RPS6KA2: variants seen among roughly 807,000 people sequenced by gnomAD.
RPS6KA2 encodes the protein ribosomal protein S6 kinase alpha-2.
Under a neutral mutation model 91.8 loss-of-function variants are expected in RPS6KA2, and 42 were observed. The observed-to-expected ratio is 0.46, with a 90% CI of 0.36 to 0.59. The LOEUF (loss-of-function observed/expected upper bound fraction) is 0.59. Among genes scored for constraint, RPS6KA2 ranks in the 20% least tolerant of loss-of-function variants. The pLI, the probability that RPS6KA2 is intolerant of heterozygous loss-of-function variation, is 0.00. For synonymous variants in RPS6KA2, 414 were observed against 393.6 expected (o/e 1.05, Z -0.61); for missense variants, 798 against 978.5 (o/e 0.82, Z 2.46).
chr6:166,517,450 GTTTTGTTTTTTTTTTTTTTT>G (rs1782687076), intron 3 of RPS6KA2, among the ~76,000 whole-genome samples: 4 of 83,800 alleles, frequency 4.8e-5, no homozygotes, highest in African/African-American at 2.7e-4. Context: ...GCGTTCTTTT[GTTTTGTTTTTTTTTTTTTTT>G]TTTTTTTTTT....
chr6:166,677,341 A>G (rs1400564711), intron 2 of RPS6KA2, among the ~76,000 whole-genome samples: 3 of 152,160 alleles, frequency 2.0e-5, no homozygotes, highest in Non-Finnish European at 2.9e-5. Flanking sequence ...GTAGTTAAAA[A>G]TAAGAAACGT....
At chr6:166,803,557 C>T (rs1035832055) in intron 2 of RPS6KA2, among the ~76,000 whole-genome samples, 10 of 152,172 alleles carry the variant, frequency 6.6e-5, no homozygotes, top group Non-Finnish European at 1.2e-4. Flanking sequence ...GGAGTCTAAA[C>T]GGCAGGCAGC....
At chr6:166,582,241 G>A (rs1047682214) in intron 1 of RPS6KA2, among the ~76,000 whole-genome samples, 3 of 152,146 alleles carry the variant, frequency 2.0e-5, no homozygotes, top group African/African-American at 7.2e-5. Context: ...GGCACAGAGA[G>A]GGTGAGCACA....
chr6:166,531,461 C>A, intron 2 of RPS6KA2, 148 bp from the exon 3 acceptor site: 1 of 646,760 alleles, frequency 1.5e-6, no homozygotes, highest in Non-Finnish European at 2.7e-6. Flanking sequence ...TCTCCAACGT[C>A]AAGGCTGCCG....
At position 166,459,355 on chromosome 6, in the gene RPS6KA2, T is replaced by C; in HGVS notation, c.1075+94A>G. The C allele has an allele frequency of 1.3e-6, 1 of 741,162 alleles. No homozygotes were observed. Among genetic ancestry groups the C allele is most frequent in the East Asian group, 2.7e-5 (1 of 37,028 alleles). 45.9% of individuals were successfully genotyped at this position (741,162 alleles called of 1,614,324 possible). On this transcript the variant is annotated intron_variant, in intron 12 of 20. Coordinates refer to ENST00000265678, the MANE Select transcript of RPS6KA2 (RefSeq NM_021135.6). The surrounding 1 kb of genome is among the most constrained non-coding windows in gnomAD (Gnocchi z 4.9). ...GGACAGTTATTTTCCATGAAAAGAATTCTGAGGCATGGGAATTTCTTGTTC... is the reference window on the plus strand; with the variant it reads ...GGACAGTTATTTTCCATGAAAAGAACTCTGAGGCATGGGAATTTCTTGTTC...
rs149413855 is a variant in RPS6KA2, at chr6:166,471,599, C to A, written c.908-1694G>T. On this transcript the variant is annotated intron_variant, in intron 10 of 20. Transcript: ENST00000265678. ...GGCACACATTCAGGAGTTTCTCCTT[C>A]CATGAGGACGCAGAATCATAGGACA... 1.2e-3 allele frequency among the ~76,000 whole-genome samples: 189 copies of A among 152,354 alleles called. 3 individuals are homozygous for A. In the East Asian group the frequency reaches 0.03, roughly 24 times the overall value.
chr6:166,451,332 C>CGTGCGT (rs1779910257), intron 12 of RPS6KA2, 99 bp from the exon 13 acceptor site: 1 of 869,926 alleles, frequency 1.1e-6, no homozygotes, highest in African/African-American at 1.8e-5. Context: ...TGTGCAAGTC[C>CGTGCGT]GTGTGTGTGT....
chr6:166,678,447 G>A (rs1157477825), intron 2 of RPS6KA2, among the ~76,000 whole-genome samples: 5 of 152,148 alleles, frequency 3.3e-5, no homozygotes, highest in East Asian at 1.9e-4. Flanking sequence ...CCTTCTTTTC[G>A]CTAAATAAAG....
intron 3 of RPS6KA2, among the ~76,000 whole-genome samples, chr6:166,515,259 C>T (rs1373314640): frequency 2.0e-5 from 3 of 152,012 alleles, no homozygotes; most frequent in Admixed American, 6.5e-5. Flanking sequence ...TGCAGGAGGC[C>T]GCTGGTGGAG....
intron 10 of RPS6KA2, among the ~76,000 whole-genome samples, chr6:166,479,639 T>C: frequency 6.6e-6 from 1 of 152,208 alleles, no homozygotes; most frequent in Non-Finnish European, 1.5e-5. Flanking sequence ...CAAATGTTTC[T>C]CCCTAAAACA....
rs1781679367 is a variant in RPS6KA2 at position 166,493,549 on chromosome 6, A to G, written c.748-2808T>C. 6.6e-6 allele frequency among the ~76,000 whole-genome samples: 1 copy of G among 152,012 alleles called. No homozygotes were observed. The highest frequency in any genetic ancestry group is 1.5e-5 in the Non-Finnish European group (1 of 67,990). ...GGGGTTCCCACAGTCAAGTACACGCACCGGGGGAGGGAGGGCACTCCAAAG... is the reference window on the plus strand; with the variant it reads ...GGGGTTCCCACAGTCAAGTACACGCGCCGGGGGAGGGAGGGCACTCCAAAG... On this transcript the variant is annotated intron_variant, in intron 8 of 20. Transcript: ENST00000265678. The surrounding 1 kb of genome is among the most constrained non-coding windows in gnomAD (Gnocchi z 4.7).
At chr6:166,484,833 C>T (rs1029298363) in intron 10 of RPS6KA2, among the ~76,000 whole-genome samples, 1 of 152,226 alleles carries the variant, frequency 6.6e-6, no homozygotes, top group Admixed American at 6.5e-5. Context: ...GGTTCTATTC[C>T]TTGCAGCTAA....
Position 166,490,231 on chromosome 6 carries a change from G to A in RPS6KA2, c.818+440C>T, listed in dbSNP as rs550805592. 6.6e-6 allele frequency among the ~76,000 whole-genome samples: 1 copy of A among 152,136 alleles called. No individual in the cohort carries two copies. The highest frequency in any genetic ancestry group is 1.5e-5 in the Non-Finnish European group (1 of 68,030). On this transcript the variant is annotated intron_variant, in intron 9 of 20. Coordinates refer to ENST00000265678, the MANE Select transcript of RPS6KA2 (RefSeq NM_021135.6). The surrounding 1 kb of genome is among the most constrained non-coding windows in gnomAD (Gnocchi z 4.2). ...TGAATGGGGTCAGCAGGTGGGGAGG[G>A]AAAGGAGACCCCTGCTCCTGTGATC...
chr6:166,794,556 G>A (rs574890483), intron 2 of RPS6KA2, among the ~76,000 whole-genome samples: 6,614 of 148,990 alleles, frequency 0.044, 502 homozygotes, highest in African/African-American at 0.15. Context: ...ACATGCACAT[G>A]TATGTTTATT....
At chr6:166,421,077 A>T (rs946932617) in intron 17 of RPS6KA2, among the ~76,000 whole-genome samples, 1 of 152,154 alleles carries the variant, frequency 6.6e-6, no homozygotes, top group African/African-American at 2.4e-5. Context: ...TGCTGAATGA[A>T]TGTGGTGCTC....
At chr6:166,582,673 G>A (rs1431113393) in intron 1 of RPS6KA2, among the ~76,000 whole-genome samples, 1 of 152,170 alleles carries the variant, frequency 6.6e-6, no homozygotes, top group Non-Finnish European at 1.5e-5. Flanking sequence ...GCCAAAAAAT[G>A]GGCAGTAATA....
At chr6:166,536,256 G>A (rs1237025260) in intron 2 of RPS6KA2, among the ~76,000 whole-genome samples, 1 of 152,236 alleles carries the variant, frequency 6.6e-6, no homozygotes, top group Non-Finnish European at 1.5e-5. Flanking sequence ...CTTTGGAGCG[G>A]AGGCAGGAGG....
chr6:166,481,692 C>T (rs7773523), intron 10 of RPS6KA2, among the ~76,000 whole-genome samples: 4,398 of 137,584 alleles, frequency 0.032, 211 homozygotes, highest in African/African-American at 0.11. Flanking sequence ...TGTGCTGCAG[C>T]GCGGAGAGCT....
intron 2 of RPS6KA2, among the ~76,000 whole-genome samples, chr6:166,782,187 G>A (rs996528775): frequency 6.6e-6 from 1 of 152,140 alleles, no homozygotes; most frequent in African/African-American, 2.4e-5. Flanking sequence ...CGCTACTCAG[G>A]AGACTGAGGC....
Sources: allele counts gnomAD v4.1 joint callset (sites outside exome capture counted in the v4.1 genomes callset), GRCh38; gene constraint gnomAD v4.1.1; non-coding constraint Gnocchi (gnomAD v3.1); transcripts MANE v1.5; gene names NCBI Gene and HGNC (gene_info 2026-07-23, HGNC 2026-07-21).